Variants in MYO16 observed in about 807,000 individuals in gnomAD.
The protein encoded by MYO16 is unconventional myosin-XVI.
Under a neutral mutation model 205.3 loss-of-function variants are expected in MYO16, and 94 were observed. The ratio of observed to expected loss-of-function variants is 0.46; its 90% CI spans 0.39 to 0.54. The LOEUF is 0.54. Ranked by LOEUF, MYO16 falls within the 20% of genes least tolerant of loss-of-function variation. The pLI, the probability that MYO16 is intolerant of heterozygous loss-of-function variation, is 0.00. For missense variants in MYO16, 2,315 were observed against 2,387.5 expected, an observed-to-expected ratio of 0.97 and a Z score of 0.63; for synonymous variants, 988 against 954.0, an observed-to-expected ratio of 1.04 and a Z score of -0.66.
At chr13:108,845,341 G>C (rs888878910) in intron 10 of MYO16, among the ~76,000 whole-genome samples, 1 of 152,142 alleles carries the variant, frequency 6.6e-6, no homozygotes, top group African/African-American at 2.4e-5. Flanking sequence ...CACAGTCTGG[G>C]TGGCTTGGAC....
chr13:108,672,328 C>T lies in MYO16; in HGVS notation c.292+6179C>T, dbSNP rs144501832. Among the ~76,000 whole-genome samples the T allele has an allele frequency of 1.6e-3, 239 of 152,046 alleles. 2 individuals carry two copies. Among genetic ancestry groups the T allele is most frequent in the South Asian group, 9.3e-3 (45 of 4,826 alleles). On this transcript the variant is annotated intron_variant, in intron 2 of 34. Coordinates refer to ENST00000457511, the MANE Select transcript of MYO16 (RefSeq NM_001198950.3). ...AATTGAGAAAGTAAAAAAAAATTGC[C>T]ATAAGAAAAAAGTTTCCATTTAAAT...
chr13:109,066,163 A>G (rs542055070), intron 27 of MYO16, among the ~76,000 whole-genome samples: 1 of 152,320 alleles, frequency 6.6e-6, no homozygotes, highest in African/African-American at 2.4e-5. Flanking sequence ...CTATTGGATT[A>G]AAGCTAACGG....
chr13:108,610,834 A>G (rs1039039941), intron 1 of MYO16, among the ~76,000 whole-genome samples: 9 of 152,176 alleles, frequency 5.9e-5, no homozygotes, highest in Non-Finnish European at 1.3e-4. Flanking sequence ...TTGAAAAGAA[A>G]AAAAAGGAGC....
intron 20 of MYO16, among the ~76,000 whole-genome samples, chr13:108,974,686 A>G (rs764134554): frequency 1.2e-4 from 18 of 152,194 alleles, no homozygotes; most frequent in Non-Finnish European, 2.2e-4. Context: ...ACATATTCTG[A>G]GATACCTCCT....
chr13:109,048,198 T>TTTA, intron 24 of MYO16: 1 of 485,830 alleles, frequency 2.1e-6, no homozygotes, highest in Non-Finnish European at 3.8e-6. Context: ...TGTGTGTGTG[T>TTTA]GTGTATTTAG....
Position 109,016,356 on chromosome 13 carries a change from AT to A in MYO16, c.2596-3352del, listed in dbSNP as rs567828559. On this transcript the variant is annotated intron_variant, in intron 22 of 34. Coordinates refer to ENST00000457511, the MANE Select transcript of MYO16 (RefSeq NM_001198950.3). ...TTTGTTGTGATTACTGTTCTTTTAC[AT>A]TTGCTGAGGAGTGCTTTACTTCCAA... Among the ~76,000 whole-genome samples, 172 of 152,220 alleles carry A rather than the reference AT, an allele frequency of 1.1e-3. 2 individuals carry two copies. Among genetic ancestry groups the A allele is most frequent in the African/African-American group, 3.6e-3 (148 of 41,542 alleles).
intron 14 of MYO16, among the ~76,000 whole-genome samples, chr13:108,896,279 C>A (rs1880408834): frequency 6.6e-6 from 1 of 151,976 alleles, no homozygotes; most frequent in Admixed American, 6.6e-5. Context: ...AATGTGCTAT[C>A]ATTACCCTCT....
intron 33 of MYO16, among the ~76,000 whole-genome samples, chr13:109,177,043 C>A (rs1019056911): frequency 6.6e-6 from 1 of 152,204 alleles, no homozygotes; most frequent in African/African-American, 2.4e-5. Flanking sequence ...TTCCGCGAAG[C>A]GTCCTTGTGT....
chr13:108,769,589 C>T (rs947768616), intron 4 of MYO16, among the ~76,000 whole-genome samples: 2 of 152,084 alleles, frequency 1.3e-5, no homozygotes, highest in Admixed American at 6.6e-5. Context: ...TGAGGTGGGG[C>T]TGTGGTTTTG....
At chr13:109,150,943 C>T (rs1877625921) in intron 32 of MYO16, among the ~76,000 whole-genome samples, 1 of 152,222 alleles carries the variant, frequency 6.6e-6, no homozygotes, top group African/African-American at 2.4e-5. Context: ...ATTATTGCCA[C>T]ATAATACAAT....
intron 1 of MYO16, among the ~76,000 whole-genome samples, chr13:108,636,243 T>G (rs146799736): frequency 1.2e-4 from 18 of 152,134 alleles, no homozygotes; most frequent in African/African-American, 3.9e-4. Flanking sequence ...AAGGTAAATC[T>G]CTCCTGATTA....
intron 16 of MYO16, among the ~76,000 whole-genome samples, chr13:108,917,420 T>G (rs1173119164): frequency 6.6e-6 from 1 of 152,190 alleles, no homozygotes; most frequent in Non-Finnish European, 1.5e-5. Context: ...TCCAACTACC[T>G]GAAAGACTCC....
chr13:108,630,987 G>C (rs1235375612), intron 1 of MYO16, among the ~76,000 whole-genome samples: 2 of 152,130 alleles, frequency 1.3e-5, no homozygotes, highest in African/African-American at 4.8e-5. Context: ...GGATTCACTG[G>C]TCATCTCGTA....
At chr13:108,684,689 C>A (rs577153604) in intron 2 of MYO16, among the ~76,000 whole-genome samples, 3 of 152,230 alleles carry the variant, frequency 2.0e-5, no homozygotes, top group South Asian at 4.2e-4. Flanking sequence ...CAGCCCCAAC[C>A]CCTAAACTTT....
In MYO16 at chr13:108,927,672, T is replaced by C. The variant is rs114632721; in HGVS notation, c.1925+17522T>C. Among the ~76,000 whole-genome samples the C allele has an allele frequency of 5.7e-3, 868 of 152,350 alleles. 9 individuals carry two copies. The highest frequency in any genetic ancestry group is 0.02 in the African/African-American group (826 of 41,572). ...GACATGCCACATGCTCTGCAGCGTG[T>C]GAAAATGCCAAGCGGACGGACAGAC... On this transcript the variant is annotated intron_variant, in intron 16 of 34. Coordinates refer to ENST00000457511, the MANE Select transcript of MYO16 (RefSeq NM_001198950.3).
At chr13:108,853,617 G>A (rs1184768774) in intron 10 of MYO16, among the ~76,000 whole-genome samples, 1 of 131,620 alleles carries the variant, frequency 7.6e-6, no homozygotes, top group Admixed American at 7.9e-5. Context: ...TTTTTTTTGA[G>A]ACAGGGCCTA....
chr13:108,752,839 A>T (rs1885284724), intron 4 of MYO16, among the ~76,000 whole-genome samples: 1 of 92,254 alleles, frequency 1.1e-5, no homozygotes, highest in Non-Finnish European at 2.1e-5. Flanking sequence ...TTTTTAGTAG[A>T]GACAGTGTTG....
intron 1 of MYO16, among the ~76,000 whole-genome samples, chr13:108,611,032 A>G (rs1879155180): frequency 1.3e-5 from 2 of 152,204 alleles, no homozygotes; most frequent in Admixed American, 1.3e-4. Context: ...TCTTATATGA[A>G]CTTTAAAAAT....
At chr13:108,985,994 G>A (rs1884615994) in intron 20 of MYO16, among the ~76,000 whole-genome samples, 1 of 152,140 alleles carries the variant, frequency 6.6e-6, no homozygotes, top group Admixed American at 6.5e-5. Context: ...TGGCTAGGGA[G>A]GCCTCACAAT....
Sources: allele counts gnomAD v4.1 joint callset (sites outside exome capture counted in the v4.1 genomes callset), GRCh38; gene constraint gnomAD v4.1.1; transcripts MANE v1.5; gene names NCBI Gene and HGNC (gene_info 2026-07-23, HGNC 2026-07-21).